PKHD1L1: variants seen among roughly 807,000 people sequenced by gnomAD.
PKHD1L1 encodes fibrocystin-L.
In PKHD1L1, 434 loss-of-function variants were observed where a neutral mutation model predicts 462.9. That is an observed-to-expected ratio of 0.94 (90% CI 0.87 to 1.02). PKHD1L1 has a LOEUF of 1.02. Among genes scored for constraint, PKHD1L1 ranks in the 50% least tolerant of loss-of-function variants. The pLI is 0.00. For missense variants in PKHD1L1, 5,202 were observed against 5,096.1 expected, an observed-to-expected ratio of 1.02 and a Z score of -0.63; for synonymous variants, 1,781 against 1,750.0, an observed-to-expected ratio of 1.02 and a Z score of -0.44.
At chr8:109,479,757 G>A in intron 54 of PKHD1L1, 118 bp downstream of exon 54, 1 of 853,792 alleles carries the variant, frequency 1.2e-6, no homozygotes, top group Non-Finnish European at 1.8e-6. Context: ...GTGGAGAAGT[G>A]GACTCTATTA....
rs748787821 is a variant in PKHD1L1, at chr8:109,475,172, TG to T, written c.8662del (p.Ala2888LeufsTer2). 6.2e-7 allele frequency: 1 copy of T among 1,612,770 alleles called. No individual in the cohort carries two copies. The highest frequency in any genetic ancestry group is 8.5e-7 in the Non-Finnish European group (1 of 1,179,368). On this transcript the variant is annotated frameshift_variant, in exon 51 of 78. Transcript: ENST00000378402. LOFTEE classifies it high-confidence loss of function. Reference protein sequence around the residue: ...KKRLTHMSGWMALIPNANHIN... With the variant: ...KKRLTHMSGWXALIPNANHIN... ...CGACTGACTCATATGTCTGGATGGA[TG>T]GCTCTGATTCCAAATGCAAATCACA...
intron 44 of PKHD1L1, 39 bp from the exon 45 acceptor site, chr8:109,454,684 T>C: frequency 1.2e-6 from 2 of 1,602,132 alleles, no homozygotes; most frequent in Non-Finnish European, 1.7e-6. Context: ...GGATTTGGGG[T>C]TTTAATTTTC....
intron 63 of PKHD1L1, among the ~76,000 whole-genome samples, chr8:109,496,056 G>C (rs1819068180): frequency 6.6e-6 from 1 of 152,002 alleles, no homozygotes; most frequent in South Asian, 2.1e-4. Context: ...TTACATATGA[G>C]GAAACTAAGT....
At chr8:109,497,539 G>A (rs1586625493) in intron 65 of PKHD1L1, among the ~76,000 whole-genome samples, 1 of 148,714 alleles carries the variant, frequency 6.7e-6, no homozygotes, top group Non-Finnish European at 1.5e-5. Context: ...TTCACATCCT[G>A]CCTCAGCCTC....
intron 76 of PKHD1L1, among the ~76,000 whole-genome samples, chr8:109,526,273 A>G (rs1456668489): frequency 6.6e-6 from 1 of 152,218 alleles, no homozygotes; most frequent in Non-Finnish European, 1.5e-5. Flanking sequence ...ACATGGTAAA[A>G]GTTTTTTGAA....
chr8:109,514,519 G>A (rs975897664), intron 71 of PKHD1L1, among the ~76,000 whole-genome samples: 12 of 152,188 alleles, frequency 7.9e-5, no homozygotes, highest in African/African-American at 2.6e-4. Flanking sequence ...AATGAGAATG[G>A]TGACTACAAA....
Position 109,487,943 on chromosome 8 carries a change from A to AGG in PKHD1L1, c.9880+1122_9880+1123insGG, listed in dbSNP as rs58259724. Among the ~76,000 whole-genome samples, 297 of 149,120 alleles carry AGG rather than the reference A, an allele frequency of 2.0e-3. 3 individuals carry two copies. Among genetic ancestry groups the AGG allele is most frequent in the Middle Eastern group, 3.5e-3 (1 of 284 alleles). ...AAGGAAGGAAGGAAGGAAGGAAGGAAAGAAGGAAGGAAGGAAGGAAGGGAG... is the reference window on the plus strand; with the variant it reads ...AAGGAAGGAAGGAAGGAAGGAAGGAAGGAGAAGGAAGGAAGGAAGGAAGGGAG... On this transcript the variant is annotated intron_variant, in intron 59 of 77. Coordinates refer to ENST00000378402, the MANE Select transcript of PKHD1L1 (RefSeq NM_177531.6).
chr8:109,372,092 G>A (rs1428889486), intron 2 of PKHD1L1, among the ~76,000 whole-genome samples: 1 of 152,074 alleles, frequency 6.6e-6, no homozygotes, highest in African/African-American at 2.4e-5. Context: ...AATTACCTTG[G>A]GCAGTATGGC....
In PKHD1L1 at chr8:109,429,948, A is replaced by C. The variant is rs753917864; in HGVS notation, c.3140A>C (p.Asn1047Thr). ...SQQPQVEVYV[N>T]GIPAKCSGDC... Reference sequence around the variant, plus strand: ...TACTTGAAGGTTGAAGTCTATGTCAATGGAATTCCAGCTAAATGTTCAGGT... The same window carrying C: ...TACTTGAAGGTTGAAGTCTATGTCACTGGAATTCCAGCTAAATGTTCAGGT... Residue 1047 changes from asparagine to threonine, a missense_variant, in exon 27 of 78, where the codon AAT (asparagine) becomes ACT (threonine). By Grantham distance (65) the Asn-to-Thr change is moderately conservative. Transcript: ENST00000378402. 1 of 1,611,932 alleles carries C rather than the reference A, an allele frequency of 6.2e-7. No individual in the cohort carries two copies. The highest frequency in any genetic ancestry group is 1.3e-5 in the African/African-American group (1 of 74,804).
chr8:109,489,880 G>A (rs1386149556), intron 59 of PKHD1L1, 72 bp from the exon 60 acceptor site: 3 of 910,706 alleles, frequency 3.3e-6, no homozygotes, highest in East Asian at 2.6e-5. Context: ...GAACAACTTT[G>A]TGTAGCTTTT....
Position 109,473,275 on chromosome 8 carries a change from G to T in PKHD1L1, c.8606-1843G>T, listed in dbSNP as rs553454630. Among the ~76,000 whole-genome samples the T allele has an allele frequency of 5.3e-5, 8 of 152,266 alleles. No homozygotes were observed. In the South Asian group the frequency reaches 1.7e-3, roughly 32 times the overall value. ...GCCTGTAATCCTAGCCCTTTGGGGG[G>T]CAAAGGTGGGCAGATCACTTGAGGT... On this transcript the variant is annotated intron_variant, in intron 50 of 77. Coordinates refer to ENST00000378402, the MANE Select transcript of PKHD1L1 (RefSeq NM_177531.6).
rs751437824 is a variant in PKHD1L1 at position 109,452,299 on chromosome 8, A to G, written c.6507+19A>G. ...CAAACTGGTAATAGTGCTGTTGGGTATAGTAATCACAGCAATAGAAAACCA... is the reference window on the plus strand; with the variant it reads ...CAAACTGGTAATAGTGCTGTTGGGTGTAGTAATCACAGCAATAGAAAACCA... On this transcript the variant is annotated intron_variant, in intron 42 of 77. Coordinates refer to ENST00000378402, the MANE Select transcript of PKHD1L1 (RefSeq NM_177531.6). The G allele has an allele frequency of 1.0e-5, 16 of 1,545,292 alleles. No individual in the cohort carries two copies. The highest frequency in any genetic ancestry group is 1.7e-4 in the Middle Eastern group (1 of 5,868).
At chr8:109,502,098 G>A (rs1414863586) in intron 67 of PKHD1L1, among the ~76,000 whole-genome samples, 1 of 151,780 alleles carries the variant, frequency 6.6e-6, no homozygotes, top group Non-Finnish European at 1.5e-5. Context: ...CTCATTCAAG[G>A]CCACCTCTGA....
At chr8:109,492,987 A>G (rs1002970925) in intron 62 of PKHD1L1, among the ~76,000 whole-genome samples, 24 of 151,824 alleles carry the variant, frequency 1.6e-4, no homozygotes, top group African/African-American at 5.8e-4. Flanking sequence ...ACTGAATCTT[A>G]TGATCCACTC....
At chr8:109,375,125 C>T (rs1048971153) in intron 2 of PKHD1L1, among the ~76,000 whole-genome samples, 1 of 152,240 alleles carries the variant, frequency 6.6e-6, no homozygotes, top group Admixed American at 6.5e-5. Flanking sequence ...CTCCCAGTCA[C>T]TTTCAGGTAC....
rs533311454 is a variant in PKHD1L1, at chr8:109,427,181, C to G, written c.3000+25C>G. The G allele has an allele frequency of 2.4e-4, 375 of 1,569,184 alleles. 3 individuals are homozygous for G. The South Asian group carries it at 3.5e-3, about 15-fold the overall frequency. ...GGTTCCCTCATTTGGCTTGGCTTCTCTTTTCTTCTATGTGCTGTTTGCTTA... is the reference window on the plus strand; with the variant it reads ...GGTTCCCTCATTTGGCTTGGCTTCTGTTTTCTTCTATGTGCTGTTTGCTTA... On this transcript the variant is annotated intron_variant, in intron 25 of 77. Coordinates refer to ENST00000378402, the MANE Select transcript of PKHD1L1 (RefSeq NM_177531.6).
chr8:109,496,985 T>C lies in PKHD1L1; in HGVS notation c.10394T>C (p.Met3465Thr), dbSNP rs757528550. 7.4e-6 allele frequency: 12 copies of C among 1,613,322 alleles called. No individual in the cohort carries two copies. The highest frequency in any genetic ancestry group is 1.0e-5 in the Non-Finnish European group (12 of 1,179,400). Residue 3465 changes from methionine to threonine, a missense_variant, in exon 64 of 78, where the codon ATG becomes ACG. Around this residue, in one of 3 missense-constraint regions of PKHD1L1, gnomAD observed 4,497 missense variants for 4,336.8 expected, o/e 1.04. Transcript: ENST00000378402. ...EAHGGLYGIY[M>T]NQDGLPGCSL... The stretch of plus-strand genomic sequence containing the variant: ...CATGGAGGTTTATATGGGATCTATA[T>C]GAACCAAGATGGCCTTCCTGGATGT...
Position 109,438,398 on chromosome 8 carries a change from T to C in PKHD1L1, c.3702T>C (p.Tyr1234=), listed in dbSNP as rs749646088. 8.4e-6 allele frequency: 13 copies of C among 1,541,082 alleles called. No individual in the cohort carries two copies. The East Asian group carries it at 9.8e-5, about 12-fold the overall frequency. Residue 1234 remains tyrosine (Y), a synonymous_variant, in exon 31 of 78, where the codon TAT becomes TAC. Transcript: ENST00000378402. ...CCACAGCAAGGGATGCTTTTAGTTA[T>C]AATTGTTTACAGACACCAATTATAA... is the stretch of plus-strand genomic sequence containing the variant. ...FQATARDAFS[Y]NCLQTPIITD... is the part of the protein sequence containing the mutation.
At chr8:109,471,469 G>A (rs1817713024) in intron 50 of PKHD1L1, among the ~76,000 whole-genome samples, 2 of 152,134 alleles carry the variant, frequency 1.3e-5, no homozygotes, top group Admixed American at 1.3e-4. Context: ...GTACATAATT[G>A]CATGAAAGTA....
Sources: allele counts gnomAD v4.1 joint callset (sites outside exome capture counted in the v4.1 genomes callset), GRCh38; gene constraint gnomAD v4.1.1; regional missense constraint gnomAD v4.1.1; transcripts MANE v1.5; gene names NCBI Gene and HGNC (gene_info 2026-07-23, HGNC 2026-07-21).